The following ATP2B2 variants were observed in gnomAD, a reference collection of about 807,000 sequenced individuals.
ATP2B2 encodes ATPase plasma membrane Ca2+ transporting 2.
A neutral mutation model predicts 120.0 loss-of-function variants in ATP2B2; 15 were observed. The ratio of observed to expected loss-of-function variants is 0.12; its 90% confidence interval spans 0.08 to 0.19. ATP2B2 has a LOEUF of 0.19. Among genes scored for constraint, ATP2B2 ranks in the 10% least tolerant of loss-of-function variants. The pLI is 1.00. For synonymous variants in ATP2B2, 694 were observed against 700.3 expected (o/e 0.99, Z 0.14); for missense variants, 1,045 against 1,719.8 (o/e 0.61, Z 6.94).
At position 10,520,667 on chromosome 3, in the gene ATP2B2, GTTGGTCT is replaced by G. The variant is rs566304054; in HGVS notation, c.-320+13365_-320+13371del. On this transcript the variant is annotated intron_variant, in intron 3 of 21. Coordinates refer to the ATP2B2 transcript ENST00000646379. ...GTATTTTTAGCTGGGGTTTCGCCAG[GTTGGTCT>G]TGAACTCCTAATCTCAAGTGATCTG... Among the ~76,000 whole-genome samples, 279 of 151,684 alleles carry G rather than the reference GTTGGTCT, an allele frequency of 1.8e-3. 3 individuals are homozygous for G. The highest frequency in any genetic ancestry group is 0.011 in the Admixed American group (168 of 15,248).
intron 3 of ATP2B2, among the ~76,000 whole-genome samples, chr3:10,409,549 T>C (rs2062535341): frequency 6.6e-6 from 1 of 152,224 alleles, no homozygotes. Context: ...GCTGGCTTTC[T>C]GTTTGACCGC....
intron 1 of ATP2B2, among the ~76,000 whole-genome samples, chr3:10,676,942 A>T (rs2071261347): frequency 6.6e-6 from 1 of 152,128 alleles, no homozygotes; most frequent in Non-Finnish European, 1.5e-5. Flanking sequence ...AGCAACAGGA[A>T]CTCTCATTCA....
intron 1 of ATP2B2, among the ~76,000 whole-genome samples, chr3:10,705,633 T>G (rs1575636789): frequency 1.3e-5 from 2 of 152,204 alleles, no homozygotes; most frequent in South Asian, 4.1e-4. Context: ...GCAGAGGTGG[T>G]CCCAGCTCTA....
chr3:10,634,548 A>G (rs1575579913), intron 1 of ATP2B2, among the ~76,000 whole-genome samples: 1 of 152,204 alleles, frequency 6.6e-6, no homozygotes, highest in South Asian at 2.1e-4. Flanking sequence ...TAGCCCCAGG[A>G]TCTTCTCTGT....
intron 2 of ATP2B2, among the ~76,000 whole-genome samples, chr3:10,444,463 T>C (rs1392898896): frequency 1.3e-5 from 2 of 152,194 alleles, no homozygotes; most frequent in South Asian, 4.1e-4. Context: ...CCATCTCCCA[T>C]GATCTGCTCT....
intron 2 of ATP2B2, among the ~76,000 whole-genome samples, chr3:10,560,789 C>G (rs1192256484): frequency 6.6e-6 from 1 of 152,158 alleles, no homozygotes; most frequent in Non-Finnish European, 1.5e-5. Flanking sequence ...TAGCTTACAT[C>G]CATTGACGGC....
At chr3:10,501,931 CT>C (rs2066411805) in intron 1 of ATP2B2, among the ~76,000 whole-genome samples, 1 of 152,186 alleles carries the variant, frequency 6.6e-6, no homozygotes, top group South Asian at 2.1e-4. Context: ...AATGTAGCCC[CT>C]GGGACCTCCT....
At chr3:10,408,778 C>T (rs1394387761) in intron 3 of ATP2B2, among the ~76,000 whole-genome samples, 1 of 152,140 alleles carries the variant, frequency 6.6e-6, no homozygotes, top group Non-Finnish European at 1.5e-5. Flanking sequence ...GTCCATGTTA[C>T]CCCTCCACCC....
intron 1 of ATP2B2, among the ~76,000 whole-genome samples, chr3:10,645,505 G>A (rs2070299491): frequency 6.6e-6 from 1 of 152,300 alleles, no homozygotes; most frequent in East Asian, 1.9e-4. Context: ...ATCTCTACAT[G>A]TGTGGACGCA....
chr3:10,374,554 C>T (rs2061331785), intron 11 of ATP2B2, among the ~76,000 whole-genome samples: 1 of 152,196 alleles, frequency 6.6e-6, no homozygotes, highest in African/African-American at 2.4e-5. Context: ...CTTGCAGGGA[C>T]ATTCTGGCAT....
chr3:10,707,774 T>C (rs13094273), intron 1 of ATP2B2: 3 of 150,994 alleles, frequency 2.0e-5, no homozygotes, highest in Admixed American at 6.6e-5. Context: ...CAAGACACGC[T>C]CCGGCTCACG....
At position 10,340,790 on chromosome 3, in the gene ATP2B2, C is replaced by T; in HGVS notation, c.2918-86G>A. ...GCCTGGCCTTTCGTGGGGGCCTCTT[C>T]TGAGCAGTGACGTGAATCCCCAAGA... On this transcript the variant is annotated intron_variant, in intron 19 of 22. Transcript: ENST00000360273. The surrounding 1 kb of genome is among the most constrained non-coding windows in gnomAD (Gnocchi z 5.0). 1 of 1,357,482 alleles carries T rather than the reference C, an allele frequency of 7.4e-7. No individual in the cohort carries two copies. The highest frequency in any genetic ancestry group is 1.8e-5 in the Admixed American group (1 of 55,296). The allele number at this position is 1,357,482 out of a possible 1,614,324, so 84.1% of individuals were successfully genotyped here.
intron 2 of ATP2B2, among the ~76,000 whole-genome samples, chr3:10,619,551 T>G (rs1242337032): frequency 6.6e-6 from 1 of 152,218 alleles, no homozygotes; most frequent in Non-Finnish European, 1.5e-5. Context: ...GTAAGCCAAG[T>G]GCACTTCTCT....
At chr3:10,458,690 T>C (rs1004613346) in intron 1 of ATP2B2, among the ~76,000 whole-genome samples, 1 of 151,958 alleles carries the variant, frequency 6.6e-6, no homozygotes, top group Admixed American at 6.6e-5. Flanking sequence ...CTTGGTGTGA[T>C]GACTATGATG....
rs116384698 is a variant in ATP2B2, at chr3:10,378,860, T to A, written c.1042+383A>T. On this transcript the variant is annotated intron_variant, in intron 9 of 22. Transcript: ENST00000360273. Reference sequence around the variant, plus strand: ...CTTAGAACGTAAAAGAGGGCAGCCATGGGAGCCAAGTCACTATCCCAGTTG... The same window carrying A: ...CTTAGAACGTAAAAGAGGGCAGCCAAGGGAGCCAAGTCACTATCCCAGTTG... 1.9e-3 allele frequency among the ~76,000 whole-genome samples: 287 copies of A among 152,300 alleles called. 1 individual carries two copies. Among genetic ancestry groups the A allele is most frequent in the African/African-American group, 5.7e-3 (235 of 41,566 alleles).
intron 2 of ATP2B2, among the ~76,000 whole-genome samples, chr3:10,415,025 C>T (rs2062734544): frequency 6.6e-6 from 1 of 152,154 alleles, no homozygotes; most frequent in Non-Finnish European, 1.5e-5. Context: ...GTCTCGCTCA[C>T]TCCCCTCTTC....
At chr3:10,683,829 GT>G (rs2071452200) in intron 1 of ATP2B2, among the ~76,000 whole-genome samples, 1 of 132,754 alleles carries the variant, frequency 7.5e-6, no homozygotes, top group Non-Finnish European at 1.6e-5. Context: ...GTCTCGCTCT[GT>G]TACCTGGGCT....
chr3:10,591,583 C>A (rs2068645547), intron 2 of ATP2B2, among the ~76,000 whole-genome samples: 1 of 152,188 alleles, frequency 6.6e-6, no homozygotes, highest in African/African-American at 2.4e-5. Context: ...GCTCACCTGT[C>A]TTAAAAACAC....
At position 10,385,283 on chromosome 3, in the gene ATP2B2, C is replaced by G. The variant is rs757592586; in HGVS notation, c.985G>C (p.Ala329Pro). 11 of 1,613,706 alleles carry G rather than the reference C, an allele frequency of 6.8e-6. No homozygotes were observed. Among genetic ancestry groups the G allele is most frequent in the African/African-American group, 1.3e-5 (1 of 74,810 alleles). ...AASNAADSAN[A>P]SLVNGKMQDG... ...GGAGACATACCATTGACTAGGCTGG[C>G]ATTCGCACTATCTGCAGCATTTGAA... is the stretch of plus-strand genomic sequence containing the variant. Residue 329 changes from alanine (A) to proline (P), a missense_variant, in exon 8 of 23, where the codon GCC becomes CCC. Around this residue, in one of 11 missense-constraint regions of ATP2B2, gnomAD observed 145 missense variants for 202.0 expected, o/e 0.72. Coordinates refer to ENST00000360273, the MANE Select transcript of ATP2B2 (RefSeq NM_001001331.4).
Sources: gnomAD v4.1 joint callset for allele counts (sites outside exome capture counted in the v4.1 genomes callset) on GRCh38, gnomAD v4.1.1 for gene constraint, gnomAD v4.1.1 regional missense constraint, Gnocchi (gnomAD v3.1) non-coding constraint, MANE v1.5 for transcripts, NCBI Gene and HGNC (gene_info 2026-07-23, HGNC 2026-07-21) for gene names.